Variants in FRK observed in about 807,000 individuals in gnomAD.
FRK encodes the protein fyn related Src family tyrosine kinase.
FRK carries 51 observed loss-of-function variants against 56.4 expected under a neutral mutation model. The observed-to-expected ratio is 0.90, with a 90% CI of 0.72 to 1.14. The LOEUF (loss-of-function observed/expected upper bound fraction) is 1.14. FRK is among the 50% of genes most tolerant of loss of function. FRK has a pLI of 0.00. For missense variants in FRK, 570 were observed against 601.4 expected, an observed-to-expected ratio of 0.95 and a Z score of 0.55; for synonymous variants, 245 against 217.9, an observed-to-expected ratio of 1.12 and a Z score of -1.10.
chr6:115,957,546 C>T (rs927237126), intron 4 of FRK, among the ~76,000 whole-genome samples: 7 of 152,178 alleles, frequency 4.6e-5, no homozygotes, highest in African/African-American at 1.7e-4. Flanking sequence ...GAGACTACTA[C>T]ATTCATCATC....
chr6:116,033,227 A>T (rs1470321231), intron 1 of FRK, among the ~76,000 whole-genome samples: 1 of 152,184 alleles, frequency 6.6e-6, no homozygotes, highest in African/African-American at 2.4e-5. Context: ...TTTCAATTCA[A>T]ATATCTAAGT....
the FRK span, among the ~76,000 whole-genome samples, chr6:116,089,668 A>C: frequency 6.6e-6 from 1 of 152,194 alleles, no homozygotes; most frequent in South Asian, 2.1e-4. Flanking sequence ...CTGTATCTTT[A>C]TGTGTCTAAT....
chr6:115,956,658 T>C (rs1309540470), intron 4 of FRK, 48 bp from the exon 5 acceptor site: 2 of 1,376,826 alleles, frequency 1.5e-6, no homozygotes, highest in Non-Finnish European at 9.7e-7. Context: ...GAGGCATTCC[T>C]ATCCTCACAG....
chr6:116,024,329 T>A, intron 1 of FRK, among the ~76,000 whole-genome samples: 1 of 151,962 alleles, frequency 6.6e-6, no homozygotes, highest in Admixed American at 6.6e-5. Context: ...GTTAGTTACA[T>A]ATGTATACAT....
chr6:115,990,392 G>A (rs1364489289), intron 2 of FRK, among the ~76,000 whole-genome samples: 2 of 151,726 alleles, frequency 1.3e-5, no homozygotes, highest in Non-Finnish European at 2.9e-5. Flanking sequence ...TTTTCCTATA[G>A]GACTTTTATA....
chr6:116,064,003 A>G (rs941876606), upstream of FRK, among the ~76,000 whole-genome samples: 2 of 152,200 alleles, frequency 1.3e-5, no homozygotes, highest in Non-Finnish European at 2.9e-5. Flanking sequence ...AAAATATCTG[A>G]TATTATTCTT....
intron 2 of FRK, among the ~76,000 whole-genome samples, chr6:115,977,281 A>C (rs1458249222): frequency 1.3e-5 from 2 of 152,216 alleles, no homozygotes; most frequent in Non-Finnish European, 2.9e-5. Flanking sequence ...TTGAGAGAAG[A>C]AAGTACATCT....
chr6:115,947,764 G>A (rs1375225334), intron 5 of FRK, among the ~76,000 whole-genome samples: 1 of 152,142 alleles, frequency 6.6e-6, no homozygotes, highest in Non-Finnish European at 1.5e-5. Flanking sequence ...ACATTATTCA[G>A]TCTAAAACAA....
the FRK span, among the ~76,000 whole-genome samples, chr6:116,094,429 A>G: frequency 6.6e-6 from 1 of 152,252 alleles, no homozygotes; most frequent in Non-Finnish European, 1.5e-5. Flanking sequence ...TTACCATCCA[A>G]GGAATCCTGG....
chr6:116,002,754 G>A, intron 2 of FRK: 2 of 454,596 alleles, frequency 4.4e-6, no homozygotes. Flanking sequence ...TTGTCTCAGT[G>A]TCAGCATAGT....
At chr6:115,983,394 C>A (rs1015033437) in intron 2 of FRK, among the ~76,000 whole-genome samples, 16 of 152,106 alleles carry the variant, frequency 1.1e-4, no homozygotes, top group African/African-American at 3.4e-4. Context: ...AAGCAAGTAA[C>A]CTTGGAGCTA....
intron 1 of FRK, chr6:116,038,801 C>A: frequency 2.0e-6 from 1 of 499,742 alleles, no homozygotes; most frequent in East Asian, 5.3e-5. Flanking sequence ...GAAGATGAAC[C>A]GACGGAAGAA....
chr6:116,078,192 A>G, the FRK span, among the ~76,000 whole-genome samples: 1 of 152,236 alleles, frequency 6.6e-6, no homozygotes, highest in Non-Finnish European at 1.5e-5. Context: ...TGAAAATGAA[A>G]ATGAACAAAA....
At chr6:115,947,236 G>A (rs545126106) in intron 5 of FRK, among the ~76,000 whole-genome samples, 4 of 151,980 alleles carry the variant, frequency 2.6e-5, no homozygotes, top group Admixed American at 2.6e-4. Flanking sequence ...GTATAATTAT[G>A]TGTTTTCTAT....
chr6:115,958,644 A>AAG (rs1491499100), intron 4 of FRK, among the ~76,000 whole-genome samples: 6 of 3,810 alleles, frequency 1.6e-3, no homozygotes, highest in Admixed American at 3.1e-3. Context: ...GGAAAGAAAG[A>AAG]AAAGAAAGAA....
intron 1 of FRK, among the ~76,000 whole-genome samples, chr6:116,015,594 G>C (rs572899427): frequency 7.2e-4 from 110 of 152,260 alleles, no homozygotes; most frequent in African/African-American, 2.6e-3. Context: ...GAATATGTAG[G>C]AAAGTTTGGA....
At chr6:116,077,321 A>G in the FRK span, among the ~76,000 whole-genome samples, 1 of 152,218 alleles carries the variant, frequency 6.6e-6, no homozygotes, top group Non-Finnish European at 1.5e-5. Context: ...TATTTCACAT[A>G]GGGCTTAGCT....
At chr6:116,071,159 T>A in the FRK span, among the ~76,000 whole-genome samples, 131 of 152,240 alleles carry the variant, frequency 8.6e-4, no homozygotes, top group African/African-American at 3.0e-3. Context: ...GGTCAGTATA[T>A]AATAAAAGCC....
Position 115,944,260 on chromosome 6 carries a change from A to C in FRK, c.1124T>G (p.Leu375Arg), listed in dbSNP as rs1209166805. The stretch of plus-strand genomic sequence containing the variant: ...TAAATCCACCTTAAAAACTCTGGCA[A>C]GTCCAAAATCTGCTACTTTGTAGAT... ...HNIYKVADFG[L>R]ARVFKVDNED... The change falls in exon 6 of 8, where the codon CTT becomes CGT. Residue 375 changes from leucine to arginine, a missense_variant. By Grantham distance (102) the Leu-to-Arg change is moderately radical. Transcript: ENST00000606080. The C allele has an allele frequency of 6.2e-7, 1 of 1,605,882 alleles. No homozygotes were observed. Among genetic ancestry groups the C allele is most frequent in the South Asian group, 1.1e-5 (1 of 89,034 alleles).
Sources: allele counts gnomAD v4.1 joint callset (sites outside exome capture counted in the v4.1 genomes callset), GRCh38; gene constraint gnomAD v4.1.1; transcripts MANE v1.5; gene names NCBI Gene and HGNC (gene_info 2026-07-23, HGNC 2026-07-21).